HRH1: variants seen among roughly 807,000 people sequenced by gnomAD.
HRH1 encodes the protein histamine H1 receptor.
A neutral mutation model predicts 10.3 loss-of-function variants in HRH1; 6 were observed. The ratio of observed to expected loss-of-function variants is 0.58; its 90% CI spans 0.32 to 1.15. The LOEUF (loss-of-function observed/expected upper bound fraction) is 1.15, where lower values mean the gene tolerates loss of function less well. HRH1 is among the 50% of genes most tolerant of loss of function. HRH1 has a pLI of 0.05. For synonymous variants in HRH1, 242 were observed against 236.7 expected (o/e 1.02, Z -0.21); for missense variants, 514 against 615.3 (o/e 0.84, Z 1.74).
At chr3:11,169,018 T>C (rs12630653) in intron 1 of HRH1, among the ~76,000 whole-genome samples, 5,586 of 152,308 alleles carry the variant, frequency 0.037, 176 homozygotes, top group East Asian at 0.13. Flanking sequence ...AGCAAGGAGC[T>C]GAGCTCTCGC....
rs1937112360 is a variant in HRH1, at chr3:11,169,477, C to T, written c.-36+14923C>T. On this transcript the variant is annotated intron_variant, in intron 1 of 1. Transcript: ENST00000431010. ...TTGCTCACACCCCAGCCCACCTTAT[C>T]CAGCTCACTATAACAGGGAGGGCTC... Among the ~76,000 whole-genome samples the T allele has an allele frequency of 2.0e-5, 3 of 152,130 alleles. No individual in the cohort carries two copies. In the South Asian group the frequency reaches 6.2e-4, roughly 32 times the overall value.
At chr3:11,141,769 T>C (rs1159610897) in intron 1 of HRH1, among the ~76,000 whole-genome samples, 4 of 152,190 alleles carry the variant, frequency 2.6e-5, no homozygotes, top group Admixed American at 2.6e-4. Flanking sequence ...CCTAATTCAG[T>C]GTGGGTTACC....
chr3:11,234,650 G>C, intron 1 of HRH1: 1 of 1,340,340 alleles, frequency 7.5e-7, no homozygotes. Context: ...AATATGATTC[G>C]ATCCTTCCCT....
intron 1 of HRH1, among the ~76,000 whole-genome samples, chr3:11,184,018 A>T (rs781166424): frequency 6.6e-6 from 1 of 152,000 alleles, no homozygotes; most frequent in Non-Finnish European, 1.5e-5. Flanking sequence ...TCCTAAGGTC[A>T]GGCATTGTGT....
intron 1 of HRH1, among the ~76,000 whole-genome samples, chr3:11,174,567 A>G (rs1937214528): frequency 6.6e-6 from 1 of 152,212 alleles, no homozygotes; most frequent in Non-Finnish European, 1.5e-5. Context: ...TGTGGTGAAA[A>G]GGCAGAGAGA....
In HRH1 at chr3:11,177,253, TTAAATAAATAAA is replaced by T. The variant is rs201560218; in HGVS notation, c.-36+22720_-36+22731del. On this transcript the variant is annotated intron_variant, in intron 1 of 1. Transcript: ENST00000431010. ...AGACCCTATCTCTAAAATAAATAAA[TTAAATAAATAAA>T]TAAATAAATAAATAAATAAAGTTAA... Among the ~76,000 whole-genome samples, 327 of 149,430 alleles carry T rather than the reference TTAAATAAATAAA, an allele frequency of 2.2e-3. 2 individuals are homozygous for T. The highest frequency in any genetic ancestry group is 2.7e-3 in the Admixed American group (40 of 15,032).
At position 11,180,065 on chromosome 3, in the gene HRH1, C is replaced by G. The variant is rs73016466; in HGVS notation, c.-36+25511C>G. ...GGCATGCACCACCACACCCGGCCCT[C>G]TTTTGTGTTTTAAATGGCCTTATTA... On this transcript the variant is annotated intron_variant, in intron 1 of 1. Coordinates refer to ENST00000431010, the MANE Select transcript of HRH1 (RefSeq NM_001098212.2). Among the ~76,000 whole-genome samples, 858 of 152,232 alleles carry G rather than the reference C, an allele frequency of 5.6e-3. 2 individuals carry two copies. The highest frequency in any genetic ancestry group is 8.9e-3 in the Non-Finnish European group (608 of 68,008).
At chr3:11,230,690 C>T (rs1465853526) in intron 1 of HRH1, among the ~76,000 whole-genome samples, 3 of 152,164 alleles carry the variant, frequency 2.0e-5, no homozygotes, top group East Asian at 1.9e-4. Flanking sequence ...AAGCACTGGC[C>T]TAGACCACTG....
intron 1 of HRH1, among the ~76,000 whole-genome samples, chr3:11,246,119 T>C (rs1041523083): frequency 1.3e-5 from 2 of 151,344 alleles, no homozygotes; most frequent in African/African-American, 2.4e-5. Context: ...CACATGCACA[T>C]ACACATTCAC....
At chr3:11,189,710 T>A (rs2125020748) in intron 1 of HRH1, among the ~76,000 whole-genome samples, 1 of 151,796 alleles carries the variant, frequency 6.6e-6, no homozygotes, top group South Asian at 2.1e-4. Flanking sequence ...AGGGGGTGGA[T>A]CACTGGAGTT....
chr3:11,219,792 A>C (rs1559276169), intron 1 of HRH1, among the ~76,000 whole-genome samples: 1 of 151,792 alleles, frequency 6.6e-6, no homozygotes, highest in Non-Finnish European at 1.5e-5. Context: ...TATCTGCTGC[A>C]AGACACGTCC....
At chr3:11,216,817 T>C (rs1053912578) in intron 1 of HRH1, among the ~76,000 whole-genome samples, 3 of 151,004 alleles carry the variant, frequency 2.0e-5, no homozygotes, top group Non-Finnish European at 4.4e-5. Flanking sequence ...GAGGTGGAGG[T>C]TGCAGGGAGC....
chr3:11,154,267 G>A (rs576702669), upstream of HRH1, among the ~76,000 whole-genome samples: 1 of 151,994 alleles, frequency 6.6e-6, no homozygotes, highest in Non-Finnish European at 1.5e-5. The surrounding 1 kb of genome is among the most constrained non-coding windows in gnomAD (Gnocchi z 4.4). Flanking sequence ...TCCAAACCTG[G>A]GGCGCGAGCT....
chr3:11,224,716 A>AG (rs1938826969), intron 1 of HRH1, among the ~76,000 whole-genome samples: 1 of 151,480 alleles, frequency 6.6e-6, no homozygotes. Flanking sequence ...AAAAAAAAAA[A>AG]GAAATTGGAT....
chr3:11,138,866 G>T (rs1936236941), intron 1 of HRH1, among the ~76,000 whole-genome samples: 1 of 151,614 alleles, frequency 6.6e-6, no homozygotes, highest in African/African-American at 2.4e-5. Flanking sequence ...ATAGAGACAG[G>T]GTTTTGCCAT....
chr3:11,142,140 C>G (rs1376965315), intron 1 of HRH1, among the ~76,000 whole-genome samples: 1 of 152,222 alleles, frequency 6.6e-6, no homozygotes, highest in Non-Finnish European at 1.5e-5. Flanking sequence ...TCTTTCTACC[C>G]TGGCATATGC....
chr3:11,220,148 T>C (rs1183592138), intron 1 of HRH1, among the ~76,000 whole-genome samples: 2 of 152,002 alleles, frequency 1.3e-5, no homozygotes, highest in Non-Finnish European at 2.9e-5. Context: ...AATTACCTCC[T>C]AGCATTGTGG....
In HRH1 at chr3:11,224,631, C is replaced by T. The variant is rs569464824; in HGVS notation, c.-35-34372C>T. On this transcript the variant is annotated intron_variant, in intron 1 of 1. Coordinates refer to ENST00000431010, the MANE Select transcript of HRH1 (RefSeq NM_001098212.2). ...AGGAGAATGGCGTGAACCCAGGAGG[C>T]GGAGCTTGCAGCGAGCCGAGTATGC... Among the ~76,000 whole-genome samples the T allele has an allele frequency of 2.5e-3, 373 of 150,676 alleles. 5 individuals carry two copies. Among genetic ancestry groups the T allele is most frequent in the Non-Finnish European group, 3.7e-3 (253 of 67,834 alleles).
intron 1 of HRH1, among the ~76,000 whole-genome samples, chr3:11,180,309 T>G (rs542722946): frequency 1.6e-3 from 247 of 152,182 alleles, no homozygotes; most frequent in African/African-American, 5.8e-3. Flanking sequence ...TGGAAGACAA[T>G]TTTTCCACGG....
Sources: allele counts gnomAD v4.1 joint callset (sites outside exome capture counted in the v4.1 genomes callset), GRCh38; gene constraint gnomAD v4.1.1; non-coding constraint Gnocchi (gnomAD v3.1); transcripts MANE v1.5; gene names NCBI Gene and HGNC (gene_info 2026-07-23, HGNC 2026-07-21).